ARHGAP15: variants seen among roughly 807,000 people sequenced by gnomAD.
ARHGAP15 encodes Rho GTPase activating protein 15.
A neutral mutation model predicts 63.7 loss-of-function variants in ARHGAP15; 51 were observed. The observed-to-expected ratio is 0.80, with a 90% CI of 0.64 to 1.01. The LOEUF is 1.01. Ranked by LOEUF, ARHGAP15 falls within the 50% of genes least tolerant of loss-of-function variation. ARHGAP15 has a pLI of 0.00. For missense variants in ARHGAP15, 560 were observed against 564.6 expected, an observed-to-expected ratio of 0.99 and a Z score of 0.08; for synonymous variants, 191 against 193.8, an observed-to-expected ratio of 0.99 and a Z score of 0.12.
Position 143,723,599 on chromosome 2 carries a change from TA to T in ARHGAP15, c.1244+20079del, listed in dbSNP as rs552073720. 8.9e-4 allele frequency among the ~76,000 whole-genome samples: 135 copies of T among 152,266 alleles called. No homozygotes were observed. In the Middle Eastern group the frequency reaches 0.017, roughly 19 times the overall value. On this transcript the variant is annotated intron_variant, in intron 13 of 13. Coordinates refer to ENST00000295095, the MANE Select transcript of ARHGAP15 (RefSeq NM_018460.4). ...TTAAAGAGAGTGGTGGTGCCACTGA[TA>T]AAACCAGGTCATCTGTGTACTCTTA...
At chr2:143,375,034 A>C (rs1686741966) in intron 6 of ARHGAP15, among the ~76,000 whole-genome samples, 2 of 152,224 alleles carry the variant, frequency 1.3e-5, no homozygotes, top group East Asian at 3.8e-4. Context: ...ACAATGAAAA[A>C]ATAAGAGGTT....
At chr2:143,235,078 G>C (rs927093618) in intron 5 of ARHGAP15, among the ~76,000 whole-genome samples, 3 of 151,926 alleles carry the variant, frequency 2.0e-5, no homozygotes, top group Admixed American at 6.6e-5. Context: ...TATAAATCTT[G>C]GTGGGAAAAG....
intron 6 of ARHGAP15, among the ~76,000 whole-genome samples, chr2:143,293,995 TGG>T (rs1682522634): frequency 6.6e-6 from 1 of 152,084 alleles, no homozygotes; most frequent in Non-Finnish European, 1.5e-5. Flanking sequence ...TGTAACTCAA[TGG>T]TAAATTAGTC....
At chr2:143,581,100 A>G (rs1239201150) in intron 11 of ARHGAP15, among the ~76,000 whole-genome samples, 2 of 152,136 alleles carry the variant, frequency 1.3e-5, no homozygotes, top group African/African-American at 4.8e-5. Context: ...CAGGCACAGA[A>G]TTGGTAACCA....
chr2:143,570,514 G>A (rs1371324717), intron 11 of ARHGAP15, among the ~76,000 whole-genome samples: 1 of 152,160 alleles, frequency 6.6e-6, no homozygotes, highest in African/African-American at 2.4e-5. Context: ...GCTGATAGAA[G>A]CACTACACAT....
At chr2:143,584,627 A>AAAC (rs199974019) in intron 11 of ARHGAP15, among the ~76,000 whole-genome samples, 17 of 152,124 alleles carry the variant, frequency 1.1e-4, no homozygotes, top group East Asian at 7.7e-4. Context: ...CTCTGTCAAA[A>AAAC]AACAACAACA....
Position 143,728,672 on chromosome 2 carries a change from T to C in ARHGAP15, c.1244+25148T>C, listed in dbSNP as rs2292833. Among the ~76,000 whole-genome samples, 625 of 152,292 alleles carry C rather than the reference T, an allele frequency of 4.1e-3. 32 individuals are homozygous for C. In the East Asian group the frequency reaches 0.11, roughly 26 times the overall value. On this transcript the variant is annotated intron_variant, in intron 13 of 13. Coordinates refer to ENST00000295095, the MANE Select transcript of ARHGAP15 (RefSeq NM_018460.4). Reference sequence around the variant, plus strand: ...GCAGCATGACTCTTCTCATACCTTCTTGCTAGACTGGAAGGAAGCAGTTCC... The same window carrying C: ...GCAGCATGACTCTTCTCATACCTTCCTGCTAGACTGGAAGGAAGCAGTTCC...
chr2:143,709,475 T>G (rs978180961), intron 13 of ARHGAP15, among the ~76,000 whole-genome samples: 2 of 152,234 alleles, frequency 1.3e-5, no homozygotes, highest in African/African-American at 4.8e-5. Flanking sequence ...TAAAATAGGT[T>G]GAAAGTTAAA....
chr2:143,259,402 C>T (rs147448645), intron 6 of ARHGAP15, among the ~76,000 whole-genome samples: 93 of 152,160 alleles, frequency 6.1e-4, no homozygotes, highest in African/African-American at 2.2e-3. Context: ...TACTAGAAAA[C>T]AATTGAACCC....
At chr2:143,193,849 A>G (rs1005429293) in intron 2 of ARHGAP15, among the ~76,000 whole-genome samples, 2 of 152,160 alleles carry the variant, frequency 1.3e-5, no homozygotes, top group African/African-American at 4.8e-5. Flanking sequence ...ATTAAATTAG[A>G]TCTATCATGG....
intron 13 of ARHGAP15, among the ~76,000 whole-genome samples, chr2:143,728,396 G>A (rs540141695): frequency 7.2e-5 from 11 of 152,222 alleles, no homozygotes; most frequent in East Asian, 1.9e-4. Flanking sequence ...CTGAGCTAAC[G>A]GTAGCTGGTG....
chr2:143,638,295 T>G (rs1410495851), intron 12 of ARHGAP15, among the ~76,000 whole-genome samples: 1 of 146,742 alleles, frequency 6.8e-6, no homozygotes, highest in Non-Finnish European at 1.5e-5. Context: ...ATGTGGCACA[T>G]ATACACCATG....
chr2:143,397,292 G>A (rs536625117), intron 6 of ARHGAP15, among the ~76,000 whole-genome samples: 75 of 149,988 alleles, frequency 5.0e-4, no homozygotes, highest in Non-Finnish European at 1.0e-3. Flanking sequence ...AGACAAATAT[G>A]GACAATAATA....
At chr2:143,759,325 A>G (rs772694007) in intron 13 of ARHGAP15, among the ~76,000 whole-genome samples, 54 of 152,204 alleles carry the variant, frequency 3.5e-4, no homozygotes, top group Admixed American at 7.9e-4. Flanking sequence ...AGCATATGGC[A>G]CAATTCATTC....
chr2:143,527,609 T>C (rs1440817883), intron 10 of ARHGAP15, among the ~76,000 whole-genome samples: 2 of 152,100 alleles, frequency 1.3e-5, no homozygotes, highest in South Asian at 2.1e-4. Flanking sequence ...AGACCCAATA[T>C]GTAAATACAC....
At chr2:143,603,089 AT>A (rs1697841396) in intron 11 of ARHGAP15, among the ~76,000 whole-genome samples, 1 of 152,134 alleles carries the variant, frequency 6.6e-6, no homozygotes, top group Non-Finnish European at 1.5e-5. Context: ...AATATTCCTT[AT>A]TGATTTTGCC....
chr2:143,213,117 T>G (rs1692619665), intron 3 of ARHGAP15, among the ~76,000 whole-genome samples: 1 of 152,194 alleles, frequency 6.6e-6, no homozygotes, highest in African/African-American at 2.4e-5. Flanking sequence ...TATTAATCTT[T>G]CCAGTTCTGT....
intron 1 of ARHGAP15, among the ~76,000 whole-genome samples, chr2:143,155,220 A>C (rs1690030231): frequency 6.6e-6 from 1 of 151,932 alleles, no homozygotes; most frequent in South Asian, 2.1e-4. Context: ...TGTTAATGGA[A>C]TTAAGAAACA....
At chr2:143,606,159 A>G in intron 11 of ARHGAP15, among the ~76,000 whole-genome samples, 1 of 151,438 alleles carries the variant, frequency 6.6e-6, no homozygotes, top group Admixed American at 6.6e-5. Flanking sequence ...TTCATAGCTT[A>G]ACACAGGTAT....
Sources: allele counts gnomAD v4.1 joint callset (sites outside exome capture counted in the v4.1 genomes callset), GRCh38; gene constraint gnomAD v4.1.1; transcripts MANE v1.5; gene names NCBI Gene and HGNC (gene_info 2026-07-23, HGNC 2026-07-21).